The following TRPM5 variants were observed in gnomAD, a reference collection of about 807,000 sequenced individuals.
TRPM5 encodes the protein MLSN1 and TRP-related.
Under a neutral mutation model 124.9 loss-of-function variants are expected in TRPM5, and 121 were observed. The ratio of observed to expected loss-of-function variants is 0.97; its 90% CI spans 0.84 to 1.13. The LOEUF (loss-of-function observed/expected upper bound fraction) is 1.13, where lower values mean the gene tolerates loss of function less well. Ranked by LOEUF, TRPM5 falls within the 50% of genes most tolerant of loss-of-function variation. TRPM5 has a pLI of 0.00. For synonymous variants in TRPM5, 781 were observed against 700.5 expected (o/e 1.11, Z -1.81); for missense variants, 1,643 against 1,589.1 (o/e 1.03, Z -0.58).
At chr11:2,408,287 A>T (rs1850365583) in intron 18 of TRPM5, among the ~76,000 whole-genome samples, 1 of 152,144 alleles carries the variant, frequency 6.6e-6, no homozygotes, top group Non-Finnish European at 1.5e-5. Context: ...TGGATGTGTT[A>T]AAACCTCCAC....
At chr11:2,423,478 G>A (rs1845799909), upstream of TRPM5, among the ~76,000 whole-genome samples, 1 of 152,146 alleles carries the variant, frequency 6.6e-6, no homozygotes, top group South Asian at 2.1e-4. Context: ...CCGCTCCCAG[G>A]ACAGGGATGT....
At chr11:2,417,418 G>A (rs1845702030) in intron 7 of TRPM5, among the ~76,000 whole-genome samples, 1 of 152,176 alleles carries the variant, frequency 6.6e-6, no homozygotes, top group Non-Finnish European at 1.5e-5. Context: ...TCGCAGCACT[G>A]CACTCCAGCC....
intron 4 of TRPM5, 99 bp downstream of exon 9, chr11:2,420,123 C>T (rs1349128728): frequency 7.2e-7 from 1 of 1,395,092 alleles, no homozygotes; most frequent in Non-Finnish European, 9.7e-7. Flanking sequence ...GGGAAGCCCT[C>T]CCCCTTCTCC....
chr11:2,409,438 C>G (rs966130392), intron 18 of TRPM5, among the ~76,000 whole-genome samples: 1 of 152,196 alleles, frequency 6.6e-6, no homozygotes, highest in East Asian at 1.9e-4. Flanking sequence ...CCAGGCCGGG[C>G]TGGAAATTAA....
chr11:2,414,103 G>A lies in TRPM5; in HGVS notation c.1848C>T (p.Thr616=), dbSNP rs75596446. ...CAAAGAAGGCCTTGGCGTCAGCCTC[G>A]GTGGCCAGGTGCAGGCAGGTGGTCT... The change falls in exon 12 of 24, where the codon ACC becomes ACT. Residue 616 remains threonine (T), a synonymous_variant. Transcript: ENST00000155858. 2,518 of 1,585,824 alleles carry A rather than the reference G, an allele frequency of 1.6e-3. 32 individuals are homozygous for A. The African/African-American group carries it at 0.03, about 19-fold the overall frequency.
chr11:2,413,697 G>C, intron 12 of TRPM5, 109 bp from the exon 18 acceptor site: 6 of 1,050,944 alleles, frequency 5.7e-6, no homozygotes, highest in Non-Finnish European at 7.1e-6. Flanking sequence ...AGCTGAAGGG[G>C]TGCCCAGCCC....
chr11:2,443,001 G>A, the TRPM5 span, among the ~76,000 whole-genome samples: 3 of 151,920 alleles, frequency 2.0e-5, no homozygotes, highest in Admixed American at 6.6e-5. This position sits in a 1 kb window ranked among gnomAD's most constrained non-coding sequence, Gnocchi z 5.0. Context: ...TTTCCCATTT[G>A]GTCATTTGTC....
rs1407972212 is a variant in TRPM5 at position 2,414,219 on chromosome 11, GC to G, written c.1745-14del. 14 of 1,603,770 alleles carry G rather than the reference GC, an allele frequency of 8.7e-6. No homozygotes were observed. Among genetic ancestry groups the G allele is most frequent in the Middle Eastern group, 1.9e-4 (1 of 5,218 alleles). ...TCGGAGAAGAGGTCTGCCCCCGGAG[GC>G]CCTGGCCGCTAGGACGAGACGCCGA... On this transcript the variant is annotated splice_polypyrimidine_tract_variant and intron_variant, in intron 11 of 23. Coordinates refer to ENST00000155858, the Ensembl canonical transcript of TRPM5.
chr11:2,417,985 G>A (rs77792884), intron 6 of TRPM5, among the ~76,000 whole-genome samples, 156 bp from the exon 12 acceptor site: 7,506 of 152,290 alleles, frequency 0.049, 563 homozygotes, highest in African/African-American at 0.17. Flanking sequence ...GGGACCACCC[G>A]CAGACCAAGG....
chr11:2,404,030 C>T (rs1373574725), downstream of TRPM5, among the ~76,000 whole-genome samples: 3 of 152,196 alleles, frequency 2.0e-5, no homozygotes, highest in East Asian at 3.9e-4. Context: ...AATTGGAAAC[C>T]CCAGGCCTCC....
At chr11:2,427,016 C>G (rs780246235), upstream of TRPM5, among the ~76,000 whole-genome samples, 10 of 152,196 alleles carry the variant, frequency 6.6e-5, no homozygotes, top group Non-Finnish European at 1.3e-4. Context: ...AGACACTGCC[C>G]CTGAAGTCTC....
chr11:2,422,051 G>T (rs1845779802), intron 2 of TRPM5, 90 bp downstream of exon 7: 1 of 1,421,484 alleles, frequency 7.0e-7, no homozygotes, highest in Non-Finnish European at 9.4e-7. Context: ...TGTGGGGTGG[G>T]AGCACTGCCT....
intron 18 of TRPM5, among the ~76,000 whole-genome samples, chr11:2,408,709 A>G (rs1270921388): frequency 2.6e-5 from 4 of 152,186 alleles, no homozygotes; most frequent in Admixed American, 6.5e-5. Context: ...GCGGGGCAGG[A>G]GGAGGGAGGA....
Position 2,406,668 on chromosome 11 carries a change from CG to C in TRPM5, c.3243del (p.Ala1082ProfsTer14). Reference sequence around the variant, plus strand: ...CAGGACAGGCCCCCGCACCTGTGGGCGGTTTTCCGCAGCACCTCCCCCTCGC... The same window carrying C: ...CAGGACAGGCCCCCGCACCTGTGGGCGTTTTCCGCAGCACCTCCCCCTCGC... On this transcript the variant is annotated frameshift_variant, in exon 21 of 24. Transcript: ENST00000155858. LOFTEE classifies it high-confidence loss of function. 1 of 1,609,682 alleles carries C rather than the reference CG, an allele frequency of 6.2e-7. No homozygotes were observed. The highest frequency in any genetic ancestry group is 8.5e-7 in the Non-Finnish European group (1 of 1,177,924).
chr11:2,415,535 G>T, intron 8 of TRPM5, 64 bp from the exon 14 acceptor site: 1 of 1,175,146 alleles, frequency 8.5e-7, no homozygotes, highest in Non-Finnish European at 1.2e-6. Context: ...AGGAGGAGGG[G>T]GTCCAAGGAA....
intron 4 of TRPM5, among the ~76,000 whole-genome samples, chr11:2,418,836 T>C (rs1589873897): frequency 6.6e-6 from 1 of 152,284 alleles, no homozygotes; most frequent in Non-Finnish European, 1.5e-5. Flanking sequence ...CATATGGCTG[T>C]TAAAACACAA....
intron 18 of TRPM5, chr11:2,410,640 T>A (rs1251518531): frequency 2.2e-6 from 1 of 450,434 alleles, no homozygotes; most frequent in Non-Finnish European, 4.5e-6. Flanking sequence ...GAGGCCCCCA[T>A]GGCCAAGCGG....
chr11:2,438,890 A>G, the TRPM5 span, among the ~76,000 whole-genome samples: 1 of 152,200 alleles, frequency 6.6e-6, no homozygotes, highest in African/African-American at 2.4e-5. The surrounding 1 kb of genome is among the most constrained non-coding windows in gnomAD (Gnocchi z 5.9). Flanking sequence ...AGCAAAAAGA[A>G]CAAAGCCAGA....
At chr11:2,440,782 G>A in the TRPM5 span, among the ~76,000 whole-genome samples, 28,874 of 152,228 alleles carry the variant, frequency 0.19, 3,729 homozygotes, top group African/African-American at 0.35. The surrounding 1 kb of genome is among the most constrained non-coding windows in gnomAD (Gnocchi z 5.2). Flanking sequence ...GAATAGGTAG[G>A]AAGACTACCT....
Sources: allele counts gnomAD v4.1 joint callset (sites outside exome capture counted in the v4.1 genomes callset), GRCh38; gene constraint gnomAD v4.1.1; non-coding constraint Gnocchi (gnomAD v3.1); transcripts MANE v1.5; gene names NCBI Gene and HGNC (gene_info 2026-07-23, HGNC 2026-07-21).